Variants in EPB41L2 observed in about 807,000 individuals in gnomAD.
The protein encoded by EPB41L2 is erythrocyte membrane protein band 4.1 like 2, also known as band 4.1-like protein 2.
EPB41L2 carries 43 observed loss-of-function variants against 113.0 expected under a neutral mutation model. That is an observed-to-expected ratio of 0.38 (90% CI 0.30 to 0.49). EPB41L2 has a LOEUF of 0.49. EPB41L2 is among the 20% of genes least tolerant of loss of function. The pLI is 0.95. For missense variants in EPB41L2, 1,147 were observed against 1,223.4 expected (o/e 0.94, Z 0.93); for synonymous variants, 442 against 436.7 (o/e 1.01, Z -0.15).
In EPB41L2 at chr6:130,963,253, G is replaced by A. The variant is rs539733958; in HGVS notation, c.-14-6754C>T. Among the ~76,000 whole-genome samples, 18 of 152,286 alleles carry A rather than the reference G, an allele frequency of 1.2e-4. No individual in the cohort carries two copies. In the South Asian group the frequency reaches 3.3e-3, roughly 28 times the overall value. ...GATGTTGACTTCTGCATATTCTGAG[G>A]AGAGCATTAGAAAATAAGGATTAAG... On this transcript the variant is annotated intron_variant, in intron 1 of 19. Coordinates refer to ENST00000337057, the MANE Select transcript of EPB41L2 (RefSeq NM_001431.4).
intron 1 of EPB41L2, among the ~76,000 whole-genome samples, chr6:131,059,462 A>G (rs9398972): frequency 0.15 from 22,833 of 152,242 alleles, 2,345 homozygotes; most frequent in East Asian, 0.43. Flanking sequence ...ATTTCCCTAT[A>G]GTTAATGACA....
rs554992186 is a variant in EPB41L2, at chr6:130,870,000, G to C, written c.2170C>G (p.Arg724Gly). The change falls in exon 15 of 20, where the codon CGT (arginine) becomes GGT (glycine). Residue 724 changes from arginine to glycine, a missense_variant. By Grantham distance (125) the Arg-to-Gly change is moderately radical. Coordinates refer to ENST00000337057, the MANE Select transcript of EPB41L2 (RefSeq NM_001431.4). ...TTTTGTGTCACAGGCTCCACCTTAC[G>C]AATCTCCCCAGGACCACTCCCAGGT... is the stretch of plus-strand genomic sequence containing the variant. ...ISPGSGPGEI[R>G]KVEPVTQKDS... 1.9e-6 allele frequency: 3 copies of C among 1,613,696 alleles called. No individual in the cohort carries two copies. The highest frequency in any genetic ancestry group is 2.5e-6 in the Non-Finnish European group (3 of 1,179,978).
At chr6:130,937,266 C>T (rs1809128055) in intron 3 of EPB41L2, among the ~76,000 whole-genome samples, 1 of 152,134 alleles carries the variant, frequency 6.6e-6, no homozygotes, top group African/African-American at 2.4e-5. Flanking sequence ...AACTTCATTG[C>T]CCTAAAAACC....
At chr6:130,987,972 G>A (rs896763842) in intron 1 of EPB41L2, among the ~76,000 whole-genome samples, 1 of 151,906 alleles carries the variant, frequency 6.6e-6, no homozygotes, top group Non-Finnish European at 1.5e-5. Flanking sequence ...AAAATTAGCT[G>A]AGTGTTGGTG....
At chr6:130,937,821 G>GAAAAAAAAAAAAAAAAA (rs66505919) in intron 3 of EPB41L2, among the ~76,000 whole-genome samples, 2 of 129,814 alleles carry the variant, frequency 1.5e-5, no homozygotes, top group Admixed American at 7.4e-5. Flanking sequence ...ATCTCAAAAA[G>GAAAAAAAAAAAAAAAAA]AAAAAAAAAA....
At chr6:130,954,455 T>A (rs1390259549) in intron 3 of EPB41L2, among the ~76,000 whole-genome samples, 2 of 152,174 alleles carry the variant, frequency 1.3e-5, no homozygotes, top group Non-Finnish European at 2.9e-5. Context: ...TTATTGATTC[T>A]TAATCAATAA....
intron 1 of EPB41L2, among the ~76,000 whole-genome samples, chr6:130,993,215 C>A (rs905383129): frequency 6.6e-6 from 1 of 151,974 alleles, no homozygotes; most frequent in African/African-American, 2.4e-5. Context: ...GTATATATAC[C>A]ACCAGGTGTT....
intron 3 of EPB41L2, among the ~76,000 whole-genome samples, chr6:130,940,612 C>T (rs991974230): frequency 2.0e-4 from 31 of 151,914 alleles, no homozygotes; most frequent in African/African-American, 7.5e-4. Context: ...ACTACAGGTG[C>T]CCCCTCACCA....
At chr6:130,950,137 A>G (rs1319967241) in intron 3 of EPB41L2, among the ~76,000 whole-genome samples, 1 of 152,188 alleles carries the variant, frequency 6.6e-6, no homozygotes, top group East Asian at 1.9e-4. Flanking sequence ...TGTACAATCA[A>G]TCAGAGGTAC....
chr6:131,037,428 T>C (rs1419500008), intron 1 of EPB41L2, among the ~76,000 whole-genome samples: 1 of 151,920 alleles, frequency 6.6e-6, no homozygotes, highest in Non-Finnish European at 1.5e-5. Flanking sequence ...ATGACTCACT[T>C]ACACAGGGCC....
intron 4 of EPB41L2, among the ~76,000 whole-genome samples, chr6:130,923,354 C>T (rs748871864): frequency 1.1e-4 from 16 of 152,140 alleles, no homozygotes; most frequent in Non-Finnish European, 2.1e-4. Context: ...CAATGGTTTG[C>T]CATTTTTCTT....
chr6:130,928,548 C>T (rs1805592405), intron 3 of EPB41L2, among the ~76,000 whole-genome samples: 1 of 152,234 alleles, frequency 6.6e-6, no homozygotes, highest in South Asian at 2.1e-4. Flanking sequence ...AAAACACGTT[C>T]CAATTCCAAC....
intron 3 of EPB41L2, among the ~76,000 whole-genome samples, chr6:130,931,435 C>T (rs1358681938): frequency 6.6e-6 from 1 of 152,068 alleles, no homozygotes; most frequent in Non-Finnish European, 1.5e-5. Flanking sequence ...AAACCTAAAA[C>T]AGATGTGCTT....
chr6:130,912,186 A>T (rs1799624379), intron 4 of EPB41L2, among the ~76,000 whole-genome samples: 1 of 152,182 alleles, frequency 6.6e-6, no homozygotes, highest in African/African-American at 2.4e-5. Flanking sequence ...GTATGTGGAA[A>T]AATTGTCTTC....
chr6:131,025,830 T>G (rs1790739693), intron 1 of EPB41L2, among the ~76,000 whole-genome samples: 2 of 152,170 alleles, frequency 1.3e-5, no homozygotes, highest in Admixed American at 1.3e-4. Context: ...CTGATTTACT[T>G]CCCTGCCAGC....
chr6:130,900,013 G>A (rs1795856924), intron 7 of EPB41L2, among the ~76,000 whole-genome samples: 1 of 152,076 alleles, frequency 6.6e-6, no homozygotes, highest in Non-Finnish European at 1.5e-5. Context: ...CCTATGATAG[G>A]TAACACAAAT....
chr6:131,051,842 C>A (rs1017870231), intron 1 of EPB41L2, among the ~76,000 whole-genome samples: 3 of 152,106 alleles, frequency 2.0e-5, no homozygotes, highest in African/African-American at 7.2e-5. Flanking sequence ...GACATGCAAG[C>A]CTCAAGAAAC....
chr6:130,869,601 C>T lies in EPB41L2; in HGVS notation c.2569G>A (p.Asp857Asn). 1 of 1,614,156 alleles carries T rather than the reference C, an allele frequency of 6.2e-7. No individual in the cohort carries two copies. Among genetic ancestry groups the T allele is most frequent in the Non-Finnish European group, 8.5e-7 (1 of 1,180,024 alleles). Reference sequence around the variant, plus strand: ...ATAATTTGTGGCAAAACATCAATGTCAACATGGGACACCTCTCCGTTAACT... The same window carrying T: ...ATAATTTGTGGCAAAACATCAATGTTAACATGGGACACCTCTCCGTTAACT... ...QKVNGEVSHV[D>N]IDVLPQIICC... The change falls in exon 15 of 20, where the codon GAC (aspartate) becomes AAC (asparagine). Residue 857 changes from aspartate (D) to asparagine (N), a missense_variant. By Grantham distance (23) the Asp-to-Asn change is conservative. Transcript: ENST00000337057.
chr6:130,845,271 G>T (rs1222622546), intron 19 of EPB41L2, among the ~76,000 whole-genome samples: 1 of 152,214 alleles, frequency 6.6e-6, no homozygotes, highest in African/African-American at 2.4e-5. Flanking sequence ...CCTTTTCAGT[G>T]TGTTGGCATT....
Sources: allele counts gnomAD v4.1 joint callset (sites outside exome capture counted in the v4.1 genomes callset), GRCh38; gene constraint gnomAD v4.1.1; transcripts MANE v1.5; gene names NCBI Gene and HGNC (gene_info 2026-07-23, HGNC 2026-07-21).